The following GRID2 variants were observed in gnomAD, a reference collection of about 807,000 sequenced individuals.
GRID2 encodes the protein glutamate ionotropic receptor delta type subunit 2, also known as glutamate receptor ionotropic, delta-2.
GRID2 carries 33 observed loss-of-function variants against 114.8 expected under a neutral mutation model. The observed-to-expected ratio is 0.29, with a 90% confidence interval of 0.22 to 0.38. The LOEUF (loss-of-function observed/expected upper bound fraction) is 0.38. Among genes scored for constraint, GRID2 ranks in the 10% least tolerant of loss-of-function variants. The pLI, the probability that GRID2 is intolerant of heterozygous loss-of-function variation, is 1.00. For missense variants in GRID2, 1,184 were observed against 1,257.7 expected (o/e 0.94, Z 0.89); for synonymous variants, 505 against 449.9 (o/e 1.12, Z -1.55).
intron 14 of GRID2, among the ~76,000 whole-genome samples, chr4:93,709,485 T>A (rs1728298779): frequency 6.6e-6 from 1 of 152,202 alleles, no homozygotes; most frequent in Non-Finnish European, 1.5e-5. Context: ...TTATTCCTTT[T>A]CTCTTGCGGC....
chr4:92,827,425 G>A (rs1332606471), intron 2 of GRID2, among the ~76,000 whole-genome samples: 3 of 150,804 alleles, frequency 2.0e-5, no homozygotes, highest in African/African-American at 7.3e-5. Flanking sequence ...AAAAAGGAGG[G>A]AGTCAATTTT....
chr4:93,065,363 A>G (rs146773079), intron 2 of GRID2, among the ~76,000 whole-genome samples: 221 of 152,072 alleles, frequency 1.5e-3, no homozygotes, highest in African/African-American at 5.1e-3. Context: ...CACAATTTGC[A>G]CAAGTTTATT....
chr4:93,101,018 C>T (rs1731647203), intron 3 of GRID2, among the ~76,000 whole-genome samples: 1 of 152,020 alleles, frequency 6.6e-6, no homozygotes, highest in South Asian at 2.1e-4. Context: ...AGATAATATA[C>T]TCCATGAGGG....
intron 14 of GRID2, among the ~76,000 whole-genome samples, chr4:93,740,104 G>C (rs1400465891): frequency 6.6e-6 from 1 of 152,108 alleles, no homozygotes; most frequent in African/African-American, 2.4e-5. Context: ...TATTTTTACT[G>C]AACCTTTTCT....
intron 1 of GRID2, among the ~76,000 whole-genome samples, chr4:92,430,974 A>G (rs1732411507): frequency 6.6e-6 from 1 of 151,968 alleles, no homozygotes; most frequent in Non-Finnish European, 1.5e-5. Context: ...AACTTTACTG[A>G]ATTTGTTTAT....
intron 13 of GRID2, among the ~76,000 whole-genome samples, chr4:93,619,986 A>C (rs776833084): frequency 1.3e-5 from 2 of 152,226 alleles, no homozygotes; most frequent in Admixed American, 6.5e-5. Context: ...AATGTAGTGC[A>C]AAGAGCATAG....
chr4:92,310,258 C>A (rs575518149), intron 1 of GRID2, among the ~76,000 whole-genome samples: 1 of 151,988 alleles, frequency 6.6e-6, no homozygotes, highest in Non-Finnish European at 1.5e-5. Context: ...TTCCTTCTAG[C>A]ATATTTCATT....
intron 8 of GRID2, among the ~76,000 whole-genome samples, chr4:93,385,170 G>A (rs900322329): frequency 2.6e-5 from 4 of 152,194 alleles, no homozygotes; most frequent in African/African-American, 9.6e-5. Context: ...TAGCAAGAGA[G>A]CTGGAAAGGA....
chr4:93,740,341 C>T (rs1367781135), intron 14 of GRID2, among the ~76,000 whole-genome samples: 1 of 152,166 alleles, frequency 6.6e-6, no homozygotes, highest in African/African-American at 2.4e-5. Context: ...CAACCCATGA[C>T]TGTATTTCAG....
At chr4:92,832,125 T>TA (rs934124638) in intron 2 of GRID2, among the ~76,000 whole-genome samples, 9 of 150,424 alleles carry the variant, frequency 6.0e-5, no homozygotes, top group East Asian at 2.0e-4. Flanking sequence ...CTTATGAAAA[T>TA]AAAAAAAAGG....
intron 14 of GRID2, among the ~76,000 whole-genome samples, chr4:93,654,037 T>A (rs1722801666): frequency 6.6e-6 from 1 of 152,120 alleles, no homozygotes; most frequent in African/African-American, 2.4e-5. Context: ...CCAGTCAAGG[T>A]TTTTCTTTTA....
intron 13 of GRID2, among the ~76,000 whole-genome samples, chr4:93,560,383 C>T (rs952921578): frequency 3.3e-5 from 5 of 151,880 alleles, no homozygotes; most frequent in Non-Finnish European, 5.9e-5. Flanking sequence ...AGCTTTTACT[C>T]GTGGTAGAAG....
chr4:93,557,916 A>C (rs1418516767), intron 13 of GRID2, among the ~76,000 whole-genome samples: 2 of 152,216 alleles, frequency 1.3e-5, no homozygotes, highest in Non-Finnish European at 2.9e-5. Context: ...ATCAAATTAG[A>C]ACTCAGGATT....
intron 2 of GRID2, among the ~76,000 whole-genome samples, chr4:92,852,218 G>C (rs1334715563): frequency 6.6e-6 from 1 of 151,820 alleles, no homozygotes; most frequent in East Asian, 1.9e-4. Flanking sequence ...GGAGGTATTT[G>C]TCTATAAAAA....
intron 2 of GRID2, among the ~76,000 whole-genome samples, chr4:93,033,810 A>G (rs533626955): frequency 6.6e-5 from 10 of 152,126 alleles, no homozygotes; most frequent in Non-Finnish European, 1.3e-4. Context: ...AATGACCTCA[A>G]CTGTTCACCA....
intron 8 of GRID2, among the ~76,000 whole-genome samples, chr4:93,280,457 C>G (rs2149584706): frequency 6.6e-6 from 1 of 152,044 alleles, no homozygotes; most frequent in Non-Finnish European, 1.5e-5. Flanking sequence ...TGATCTTAAG[C>G]TTTGGAAAAT....
At chr4:92,599,011 A>G (rs1019320862) in intron 2 of GRID2, among the ~76,000 whole-genome samples, 1 of 147,892 alleles carries the variant, frequency 6.8e-6, no homozygotes, top group East Asian at 2.0e-4. Flanking sequence ...TTAAATATAT[A>G]TAATGAAATG....
At chr4:92,568,368 G>A (rs1421309952) in intron 1 of GRID2, among the ~76,000 whole-genome samples, 1 of 151,924 alleles carries the variant, frequency 6.6e-6, no homozygotes. Flanking sequence ...ATTCAAGGCT[G>A]CCCTGACATA....
intron 1 of GRID2, among the ~76,000 whole-genome samples, chr4:92,413,114 G>C (rs1731420687): frequency 6.6e-6 from 1 of 152,162 alleles, no homozygotes; most frequent in Non-Finnish European, 1.5e-5. Flanking sequence ...TTGCATAGTA[G>C]TGAAGTCTGG....
Sources: gnomAD v4.1 joint callset for allele counts (sites outside exome capture counted in the v4.1 genomes callset) on GRCh38, gnomAD v4.1.1 for gene constraint, MANE v1.5 for transcripts, NCBI Gene and HGNC (gene_info 2026-07-23, HGNC 2026-07-21) for gene names.